Variants in EPAS1 observed in about 807,000 individuals in gnomAD.
EPAS1 encodes the protein endothelial PAS domain-containing protein 1.
In EPAS1, 23 loss-of-function variants were observed where a neutral mutation model predicts 87.9. The ratio of observed to expected loss-of-function variants is 0.26; its 90% CI spans 0.19 to 0.37. The LOEUF is 0.37. Among genes scored for constraint, EPAS1 ranks in the 10% least tolerant of loss-of-function variants. EPAS1 has a pLI of 1.00. For synonymous variants in EPAS1, 508 were observed against 444.3 expected (o/e 1.14, Z -1.80); for missense variants, 1,138 against 1,120.7 (o/e 1.02, Z -0.22).
chr2:46,320,524 A>T (rs1354065782), intron 1 of EPAS1, among the ~76,000 whole-genome samples: 2 of 152,250 alleles, frequency 1.3e-5, no homozygotes, highest in Admixed American at 6.5e-5. Context: ...TTTGTGGGCT[A>T]ATGGAAAGAT....
chr2:46,364,402 C>T (rs1684462307), intron 6 of EPAS1, among the ~76,000 whole-genome samples: 1 of 151,908 alleles, frequency 6.6e-6, no homozygotes, highest in Admixed American at 6.6e-5. Flanking sequence ...GAAAAAGGGT[C>T]ATGGAGAAAA....
intron 1 of EPAS1, among the ~76,000 whole-genome samples, chr2:46,331,894 T>A (rs866493783): frequency 6.6e-6 from 1 of 152,138 alleles, no homozygotes; most frequent in African/African-American, 2.4e-5. Flanking sequence ...TGTTTTTTTT[T>A]CCCCGGGCTT....
In EPAS1 at chr2:46,382,738, C is replaced by G. The variant is rs1051632759; in HGVS notation, c.2461+140C>G. The G allele has an allele frequency of 6.0e-6, 7 of 1,157,880 alleles. No homozygotes were observed. The African/African-American group carries it at 7.7e-5, about 13-fold the overall frequency. 71.7% of individuals were successfully genotyped at this position (1,157,880 alleles called of 1,614,324 possible). The stretch of plus-strand genomic sequence containing the variant: ...GAAGTCACCTATACAGGGCTCAGGT[C>G]TCCTTGGATTTAGGGAACCTCCTCA... On this transcript the variant is annotated intron_variant, in intron 15 of 15. Transcript: ENST00000263734.
intron 1 of EPAS1, among the ~76,000 whole-genome samples, chr2:46,311,118 C>T (rs1020497062): frequency 1.3e-5 from 2 of 152,198 alleles, no homozygotes; most frequent in African/African-American, 4.8e-5. Context: ...GACCTGTGAT[C>T]CACCCGCCTC....
chr2:46,367,533 A>C (rs1163295282), intron 6 of EPAS1, among the ~76,000 whole-genome samples: 2 of 152,234 alleles, frequency 1.3e-5, no homozygotes, highest in African/African-American at 4.8e-5. Context: ...TGTTCCCCCC[A>C]GTCTCCACCT....
rs1445665148 is a variant in EPAS1, at chr2:46,380,766, C to T, written c.2045+49C>T. On this transcript the variant is annotated intron_variant, in intron 12 of 15. Coordinates refer to ENST00000263734, the MANE Select transcript of EPAS1 (RefSeq NM_001430.5). The surrounding 1 kb of genome is among the most constrained non-coding windows in gnomAD (Gnocchi z 4.4). ...ACCAGCAGGGCCGAACCGAGAGGCA[C>T]CCACTAGTAAGATAGCTGGACCCCC... The T allele has an allele frequency of 3.7e-6, 6 of 1,600,322 alleles. No homozygotes were observed. The highest frequency in any genetic ancestry group is 1.7e-5 in the Admixed American group (1 of 59,998).
chr2:46,317,237 G>A (rs941901625), intron 1 of EPAS1, among the ~76,000 whole-genome samples: 1 of 152,184 alleles, frequency 6.6e-6, no homozygotes, highest in African/African-American at 2.4e-5. Flanking sequence ...GCTGTTAATG[G>A]TATCTAGAAT....
At chr2:46,348,093 G>A (rs922196438) in intron 2 of EPAS1, among the ~76,000 whole-genome samples, 5 of 152,188 alleles carry the variant, frequency 3.3e-5, no homozygotes, top group African/African-American at 1.2e-4. Context: ...GAGGCTGGGA[G>A]GCCAGACCAG....
At chr2:46,305,723 C>CA (rs1683099623) in intron 1 of EPAS1, among the ~76,000 whole-genome samples, 1 of 151,772 alleles carries the variant, frequency 6.6e-6, no homozygotes, top group African/African-American at 2.4e-5. Flanking sequence ...ACTATCCCCC[C>CA]ATCCCCAGCC....
intron 6 of EPAS1, among the ~76,000 whole-genome samples, 195 bp from the exon 7 acceptor site, chr2:46,369,632 G>A (rs1246936960): frequency 1.3e-5 from 2 of 152,134 alleles, no homozygotes; most frequent in African/African-American, 4.8e-5. Context: ...GGAACAACAG[G>A]GGTTTGGTTA....
At chr2:46,302,653 C>T (rs562101346) in intron 1 of EPAS1, among the ~76,000 whole-genome samples, 69 of 151,240 alleles carry the variant, frequency 4.6e-4, no homozygotes, top group Non-Finnish European at 9.0e-4. Context: ...AACACCGACT[C>T]CTACTCTGGC....
Position 46,329,825 on chromosome 2 carries a change from C to T in EPAS1, c.27-17048C>T, listed in dbSNP as rs576867446. ...GAGCAAGACTCCATCTCAAAACAAG[C>T]AAACAGACAAACAAAACACACACAC... On this transcript the variant is annotated intron_variant, in intron 1 of 15. Coordinates refer to ENST00000263734, the MANE Select transcript of EPAS1 (RefSeq NM_001430.5). Among the ~76,000 whole-genome samples, 6 of 152,242 alleles carry T rather than the reference C, an allele frequency of 3.9e-5. No individual in the cohort carries two copies. In the South Asian group the frequency reaches 1.2e-3, roughly 32 times the overall value.
chr2:46,332,638 T>C (rs900547891), intron 1 of EPAS1, among the ~76,000 whole-genome samples: 1 of 152,154 alleles, frequency 6.6e-6, no homozygotes, highest in Non-Finnish European at 1.5e-5. Flanking sequence ...TCTTTAGGGA[T>C]GTCATTAGGT....
Position 46,352,790 on chromosome 2 carries a change from A to G in EPAS1, c.218-3361A>G, listed in dbSNP as rs574356946. Among the ~76,000 whole-genome samples the G allele has an allele frequency of 5.9e-5, 9 of 152,332 alleles. No individual in the cohort carries two copies. The South Asian group carries it at 1.5e-3, about 25-fold the overall frequency. ...CAACCTGCTGGCTTCCTGGTCCTCC[A>G]GCCATTGTGACCGCAGTCCCAAGAC... On this transcript the variant is annotated intron_variant, in intron 2 of 15. Transcript: ENST00000263734.
intron 2 of EPAS1, among the ~76,000 whole-genome samples, chr2:46,351,502 C>A (rs1349675476): frequency 6.6e-6 from 1 of 152,116 alleles, no homozygotes; most frequent in South Asian, 2.1e-4. Context: ...ATCCAGTAAG[C>A]GATCCCAGAG....
intron 6 of EPAS1, among the ~76,000 whole-genome samples, chr2:46,364,074 A>T (rs1256035086): frequency 6.6e-6 from 1 of 152,200 alleles, no homozygotes; most frequent in Non-Finnish European, 1.5e-5. Flanking sequence ...TGGGATGGGG[A>T]GAAGCATATG....
In EPAS1 at chr2:46,363,211, T is replaced by A. The variant is rs192400358; in HGVS notation, c.779+2121T>A. The stretch of plus-strand genomic sequence containing the variant: ...ACAATCCCACTGCATAGCCCCTGTG[T>A]CACTGGCTTTGAGGTGAAGTGGCTC... On this transcript the variant is annotated intron_variant, in intron 6 of 15. Coordinates refer to ENST00000263734, the MANE Select transcript of EPAS1 (RefSeq NM_001430.5). 2.0e-5 allele frequency among the ~76,000 whole-genome samples: 3 copies of A among 152,296 alleles called. No homozygotes were observed. In the East Asian group the frequency reaches 5.8e-4, roughly 29 times the overall value.
In EPAS1 at chr2:46,297,429, A is replaced by G. The variant is rs1418198162; in HGVS notation, c.-483A>G. 1.3e-5 allele frequency: 2 copies of G among 153,830 alleles called. No individual in the cohort carries two copies. Among genetic ancestry groups the G allele is most frequent in the East Asian group, 3.9e-4 (2 of 5,108 alleles). The allele number at this position is 153,830 out of a possible 1,614,324, so 9.5% of individuals were successfully genotyped here. On this transcript the variant is annotated 5_prime_UTR_variant, in exon 1 of 16. Coordinates refer to ENST00000263734, the MANE Select transcript of EPAS1 (RefSeq NM_001430.5). ...TTTACACTCGCGAGCGGACCGCCACACGGGTCCGGTGCCCGCTGCGCTTCC... is the reference window on the plus strand; with the variant it reads ...TTTACACTCGCGAGCGGACCGCCACGCGGGTCCGGTGCCCGCTGCGCTTCC...
chr2:46,363,303 C>CTTCA (rs1484015696), intron 6 of EPAS1, among the ~76,000 whole-genome samples: 1 of 152,146 alleles, frequency 6.6e-6, no homozygotes, highest in Non-Finnish European at 1.5e-5. Flanking sequence ...CAGATACGTG[C>CTTCA]TTCACCCTGG....
Sources: allele counts gnomAD v4.1 joint callset (sites outside exome capture counted in the v4.1 genomes callset), GRCh38; gene constraint gnomAD v4.1.1; non-coding constraint Gnocchi (gnomAD v3.1); transcripts MANE v1.5; gene names NCBI Gene and HGNC (gene_info 2026-07-23, HGNC 2026-07-21).